RPP25: variants seen among roughly 807,000 people sequenced by gnomAD.
The protein encoded by RPP25 is ribonuclease P protein subunit p25.
Under a neutral mutation model 4.4 loss-of-function variants are expected in RPP25, and 2 were observed. That is an observed-to-expected ratio of 0.45 (90% CI 0.19 to 1.43). RPP25 has a LOEUF of 1.43. Among genes scored for constraint, RPP25 ranks in the 40% most tolerant of loss-of-function variants. The pLI, the probability that RPP25 is intolerant of heterozygous loss-of-function variation, is 0.26. For synonymous variants in RPP25, 144 were observed against 136.2 expected (o/e 1.06, Z -0.40); for missense variants, 319 against 293.8 (o/e 1.09, Z -0.63).
chr15:74,956,041 G>A lies in RPP25; in HGVS notation c.543C>T (p.Gly181=). ...RSLGEPAAGE[G]SAKRSQPEPG... is the part of the protein sequence containing the mutation. ...GCTCGGGTTGCGATCGCTTCGCGGA[G>A]CCTTCTCCAGCTGCGGGTTCCCCTA... Residue 181 remains glycine, a synonymous_variant, in exon 1 of 1, where the codon GGC becomes GGT. Coordinates refer to ENST00000322177, the MANE Select transcript of RPP25 (RefSeq NM_017793.3). 2 of 1,611,620 alleles carry A rather than the reference G, an allele frequency of 1.2e-6. No individual in the cohort carries two copies. The highest frequency in any genetic ancestry group is 1.7e-6 in the Non-Finnish European group (2 of 1,179,474).
At position 74,956,129 on chromosome 15, in the gene RPP25, T is replaced by C. The variant is rs779239591; in HGVS notation, c.455A>G (p.Gln152Arg). 8 of 1,605,770 alleles carry C rather than the reference T, an allele frequency of 5.0e-6. No individual in the cohort carries two copies. The highest frequency in any genetic ancestry group is 6.8e-6 in the Non-Finnish European group (8 of 1,177,266). Residue 152 changes from glutamine (Q) to arginine (R), a missense_variant, in exon 1 of 1, where the codon CAG becomes CGG. Gln to Arg is a conservative substitution (Grantham distance 43). Coordinates refer to ENST00000322177, the MANE Select transcript of RPP25 (RefSeq NM_017793.3). ...GGGACCAGGATGGGGATTCGGGGGC[T>C]GGTAGCCGGGCTGTCGCGGATCCAG... ...DALDPRQPGYQPPNPHPGPSS... is the reference protein window; with the variant it reads ...DALDPRQPGYRPPNPHPGPSS...
In RPP25 at chr15:74,956,681, A is replaced by G. The variant is rs1414449519; in HGVS notation, c.-98T>C. On this transcript the variant is annotated 5_prime_UTR_variant, in exon 1 of 1. Transcript: ENST00000322177. ...GCGCCTTGCAAGGGCCAGCAGGGGT[A>G]AGGGCGCCGGAGCAGCGCAGACGCC... 4 of 1,318,828 alleles carry G rather than the reference A, an allele frequency of 3.0e-6. No individual in the cohort carries two copies. Among genetic ancestry groups the G allele is most frequent in the Non-Finnish European group, 3.9e-6 (4 of 1,030,800 alleles). The allele number at this position is 1,318,828 out of a possible 1,614,324, so 81.7% of individuals were successfully genotyped here.
At position 74,955,842 on chromosome 15, in the gene RPP25, A is replaced by C; in HGVS notation, c.*142T>G. The C allele has an allele frequency of 8.3e-7, 1 of 1,211,398 alleles. No individual in the cohort carries two copies. Among genetic ancestry groups the C allele is most frequent in the Non-Finnish European group, 1.1e-6 (1 of 888,268 alleles). The allele number at this position is 1,211,398 out of a possible 1,614,324, so 75.0% of individuals were successfully genotyped here. A position where few individuals can be genotyped will look rare whatever the true frequency, so the allele number is the denominator to read the frequency against. On this transcript the variant is annotated 3_prime_UTR_variant, in exon 1 of 1. Transcript: ENST00000322177. Reference sequence around the variant, plus strand: ...CCTGGGGCCCCTCTCTTGTCGCCTTAAGGTCCATGCTACCTGTCTTGAGGA... The same window carrying C: ...CCTGGGGCCCCTCTCTTGTCGCCTTCAGGTCCATGCTACCTGTCTTGAGGA...
At position 74,955,649 on chromosome 15, in the gene RPP25, T is replaced by G; in HGVS notation, c.*335A>C. 1 of 356,798 alleles carries G rather than the reference T, an allele frequency of 2.8e-6. No individual in the cohort carries two copies. Among genetic ancestry groups the G allele is most frequent in the Non-Finnish European group, 5.2e-6 (1 of 194,044 alleles). The allele number at this position is 356,798 out of a possible 1,614,324, so 22.1% of individuals were successfully genotyped here. A position where few individuals can be genotyped will look rare whatever the true frequency, so the allele number is the denominator to read the frequency against. ...TGCTCTTCGTGAATGCTGGGTGGCT[T>G]TAACCCTTGGGGGTCCCAAACAAGT... is the stretch of plus-strand genomic sequence containing the variant. On this transcript the variant is annotated 3_prime_UTR_variant, in exon 1 of 1. Coordinates refer to ENST00000322177, the MANE Select transcript of RPP25 (RefSeq NM_017793.3).
In RPP25 at chr15:74,956,285, C is replaced by T. The variant is rs536155288; in HGVS notation, c.299G>A (p.Arg100Gln). 1.3e-6 allele frequency: 2 copies of T among 1,597,428 alleles called. 1 individual carries two copies. The highest frequency in any genetic ancestry group is 2.2e-5 in the South Asian group (2 of 89,722). ...GLHQVTRLRYRSVREVWQSLP... is the reference protein window; with the variant it reads ...GLHQVTRLRYQSVREVWQSLP... ...GCTCTGCCACACCTCGCGTACGCTC[C>T]GGTAGCGCAGCCGCGTGACCTGGTG... The change falls in exon 1 of 1, where the codon CGG (arginine) becomes CAG (glutamine). Residue 100 changes from arginine (R) to glutamine (Q), a missense_variant. Arg to Gln is a conservative substitution (Grantham distance 43). Coordinates refer to ENST00000322177, the MANE Select transcript of RPP25 (RefSeq NM_017793.3).
In RPP25 at chr15:74,956,042, C is replaced by T. The variant is rs746864831; in HGVS notation, c.542G>A (p.Gly181Asp). The change falls in exon 1 of 1, where the codon GGC becomes GAC. Residue 181 changes from glycine to aspartate, a missense_variant. By Grantham distance (94) the Gly-to-Asp change is moderately conservative. Coordinates refer to ENST00000322177, the MANE Select transcript of RPP25 (RefSeq NM_017793.3). ...RSLGEPAAGE[G>D]SAKRSQPEPG... ...CTCGGGTTGCGATCGCTTCGCGGAG[C>T]CTTCTCCAGCTGCGGGTTCCCCTAG... is the stretch of plus-strand genomic sequence containing the variant. 6.2e-7 allele frequency: 1 copy of T among 1,611,492 alleles called. No individual in the cohort carries two copies. Among genetic ancestry groups the T allele is most frequent in the Admixed American group, 1.7e-5 (1 of 59,754 alleles).
At position 74,956,673 on chromosome 15, in the gene RPP25, G is replaced by A. The variant is rs979149580; in HGVS notation, c.-90C>T. ...CGCCGGTCGCGCCTTGCAAGGGCCAGCAGGGGTAAGGGCGCCGGAGCAGCG... is the reference window on the plus strand; with the variant it reads ...CGCCGGTCGCGCCTTGCAAGGGCCAACAGGGGTAAGGGCGCCGGAGCAGCG... On this transcript the variant is annotated 5_prime_UTR_variant, in exon 1 of 1. Coordinates refer to ENST00000322177, the MANE Select transcript of RPP25 (RefSeq NM_017793.3). 2.2e-6 allele frequency: 3 copies of A among 1,347,640 alleles called. No individual in the cohort carries two copies. In the South Asian group the frequency reaches 5.3e-5, roughly 24 times the overall value. The allele number at this position is 1,347,640 out of a possible 1,614,324, so 83.5% of individuals were successfully genotyped here. A position where few individuals can be genotyped will look rare whatever the true frequency, so the allele number is the denominator to read the frequency against.
At position 74,956,426 on chromosome 15, in the gene RPP25, G is replaced by A. The variant is rs1451941496; in HGVS notation, c.158C>T (p.Ala53Val). ...GSKIRNLMAF[A>V]TASMAQPATR... is the part of the protein sequence containing the mutation. ...GGCTGGCTGCGCCATGCTGGCGGTG[G>A]CGAAGGCCATCAGGTTCCGGATCTT... Residue 53 changes from alanine to valine, a missense_variant, in exon 1 of 1, where the codon GCC becomes GTC. By Grantham distance (64) the Ala-to-Val change is moderately conservative (BLOSUM62 0). Coordinates refer to ENST00000322177, the MANE Select transcript of RPP25 (RefSeq NM_017793.3). 6.3e-7 allele frequency: 1 copy of A among 1,596,586 alleles called. No individual in the cohort carries two copies. The highest frequency in any genetic ancestry group is 8.5e-7 in the Non-Finnish European group (1 of 1,174,630).
rs1310156859 is a variant in RPP25 at position 74,956,003 on chromosome 15, T to A, written c.581A>T (p.Asp194Val). The A allele has an allele frequency of 6.2e-7, 1 of 1,612,780 alleles. No homozygotes were observed. Among genetic ancestry groups the A allele is most frequent in the South Asian group, 1.1e-5 (1 of 90,974 alleles). Residue 194 changes from aspartate (D) to valine (V), a missense_variant, in exon 1 of 1, where the codon GAC becomes GTC. Physicochemically the swap from Asp to Val is radical, Grantham distance 152 (BLOSUM62 -3). Transcript: ENST00000322177. ...GGAGTTTCAGGCCGTCTGATCCTCG[T>A]CCGCAACCCCTGGCTCGGGTTGCGA... Reference protein sequence around the residue: ...KRSQPEPGVADEDQTA With the variant: ...KRSQPEPGVAVEDQTA
chr15:74,956,421 C>T lies in RPP25; in HGVS notation c.163G>A (p.Ala55Thr). 6.3e-7 allele frequency: 1 copy of T among 1,598,118 alleles called. No homozygotes were observed. The highest frequency in any genetic ancestry group is 1.3e-5 in the African/African-American group (1 of 74,764). ...CGCGTGGCTGGCTGCGCCATGCTGG[C>T]GGTGGCGAAGGCCATCAGGTTCCGG... ...KIRNLMAFATASMAQPATRAI... is the reference protein window; with the variant it reads ...KIRNLMAFATTSMAQPATRAI... Residue 55 changes from alanine (A) to threonine (T), a missense_variant, in exon 1 of 1, where the codon GCC (alanine) becomes ACC (threonine). Physicochemically the swap from Ala to Thr is moderately conservative, Grantham distance 58. Transcript: ENST00000322177.
chr15:74,956,628 CAGCCCCGGG>C lies in RPP25; in HGVS notation c.-54_-46del, dbSNP rs543881461. On this transcript the variant is annotated 5_prime_UTR_variant, in exon 1 of 1. An upstream open reading frame in the 5' UTR loses its in-frame stop. Transcript: ENST00000322177. Reference sequence around the variant, plus strand: ...CGCCGGCTTTGCCATGGGGCGGCCTCAGCCCCGGGGCTGCATGGCCGCCGGTCGCGCCTT... The same window carrying C: ...CGCCGGCTTTGCCATGGGGCGGCCTCGCTGCATGGCCGCCGGTCGCGCCTT... 8.5e-6 allele frequency: 12 copies of C among 1,411,358 alleles called. No individual in the cohort carries two copies. In the African/African-American group the frequency reaches 1.8e-4, roughly 21 times the overall value. 87.4% of individuals were successfully genotyped at this position (1,411,358 alleles called of 1,614,324 possible).
Position 74,955,764 on chromosome 15 carries a change from G to A in RPP25, c.*220C>T. 1.7e-6 allele frequency: 1 copy of A among 595,494 alleles called. No homozygotes were observed. Among genetic ancestry groups the A allele is most frequent in the African/African-American group, 1.9e-5 (1 of 53,064 alleles). 36.9% of individuals were successfully genotyped at this position (595,494 alleles called of 1,614,324 possible). A position where few individuals can be genotyped will look rare whatever the true frequency, so the allele number is the denominator to read the frequency against. ...TCTTCACGCAACACGGGCATAAGCA[G>A]CAATTATCGCACGAAGTTTCCCTAG... is the stretch of plus-strand genomic sequence containing the variant. On this transcript the variant is annotated 3_prime_UTR_variant, in exon 1 of 1. Coordinates refer to ENST00000322177, the MANE Select transcript of RPP25 (RefSeq NM_017793.3).
rs2065472048 is a variant in RPP25 at position 74,956,545 on chromosome 15, T to G, written c.39A>C (p.Pro13=). 1 of 1,513,470 alleles carries G rather than the reference T, an allele frequency of 6.6e-7. No individual in the cohort carries two copies. The highest frequency in any genetic ancestry group is 8.8e-7 in the Non-Finnish European group (1 of 1,138,384). The allele number at this position is 1,513,470 out of a possible 1,614,324, so 93.8% of individuals were successfully genotyped here. ...CGCCTCCCTCGGCCCCGCACCCCGC[T>G]GGCGCCTCTTCGGAGCGCACCTTAC... is the stretch of plus-strand genomic sequence containing the variant. ...NFRKVRSEEA[P]AGCGAEGGGP... The change falls in exon 1 of 1, where the codon CCA becomes CCC. Residue 13 remains proline, a synonymous_variant. Transcript: ENST00000322177.
Position 74,955,998 on chromosome 15 carries a change from C to G in RPP25, c.586G>C (p.Asp196His). ...SQPEPGVADE[D>H]QTA ...AGTCCGGAGTTTCAGGCCGTCTGAT[C>G]CTCGTCCGCAACCCCTGGCTCGGGT... is the stretch of plus-strand genomic sequence containing the variant. The change falls in exon 1 of 1, where the codon GAT (aspartate) becomes CAT (histidine). Residue 196 changes from aspartate to histidine, a missense_variant. By Grantham distance (81) the Asp-to-His change is moderately conservative. Coordinates refer to ENST00000322177, the MANE Select transcript of RPP25 (RefSeq NM_017793.3). 1 of 1,612,746 alleles carries G rather than the reference C, an allele frequency of 6.2e-7. No homozygotes were observed. The highest frequency in any genetic ancestry group is 8.5e-7 in the Non-Finnish European group (1 of 1,179,874).
rs1440959405 is a variant in RPP25, at chr15:74,954,888, C to G, written c.*1096G>C. 6.6e-6 allele frequency: 1 copy of G among 152,354 alleles called. No individual in the cohort carries two copies. The highest frequency in any genetic ancestry group is 1.5e-5 in the Non-Finnish European group (1 of 68,138). The allele number at this position is 152,354 out of a possible 1,614,324, so 9.4% of individuals were successfully genotyped here. On this transcript the variant is annotated 3_prime_UTR_variant, in exon 1 of 1. Coordinates refer to ENST00000322177, the MANE Select transcript of RPP25 (RefSeq NM_017793.3). The stretch of plus-strand genomic sequence containing the variant: ...TTGTGCCAGCCTTCTGGGTAAGGTT[C>G]AGTTTATTGTCTGGAGGCTGCAGAT...
At position 74,956,521 on chromosome 15, in the gene RPP25, G is replaced by T; in HGVS notation, c.63C>A (p.Gly21=). The T allele has an allele frequency of 6.5e-7, 1 of 1,528,092 alleles. No homozygotes were observed. The allele number at this position is 1,528,092 out of a possible 1,614,324, so 94.7% of individuals were successfully genotyped here. ...CTGCGAAGGGGCCGGAGCCCGGGCC[G>T]CCTCCCTCGGCCCCGCACCCCGCTG... ...EAPAGCGAEG[G]GPGSGPFADL... Residue 21 remains glycine, a synonymous_variant, in exon 1 of 1, where the codon GGC becomes GGA. Transcript: ENST00000322177.
At position 74,956,187 on chromosome 15, in the gene RPP25, G is replaced by T. The variant is rs1413227578; in HGVS notation, c.397C>A (p.Pro133Thr). The T allele has an allele frequency of 6.3e-7, 1 of 1,580,012 alleles. No individual in the cohort carries two copies. The highest frequency in any genetic ancestry group is 8.6e-7 in the Non-Finnish European group (1 of 1,163,850). The stretch of plus-strand genomic sequence containing the variant: ...TTGGAAAGTAGGATGGCGAGGCCGG[G>T]CACGTTCTTAAGTACGCTGAGACTA... The part of the protein sequence containing the change: ...AASLSVLKNV[P>T]GLAILLSKDA... The change falls in exon 1 of 1, where the codon CCC becomes ACC. Residue 133 changes from proline to threonine, a missense_variant. Transcript: ENST00000322177.
In RPP25 at chr15:74,955,868, G is replaced by C. The variant is rs2065466213; in HGVS notation, c.*116C>G. On this transcript the variant is annotated 3_prime_UTR_variant, in exon 1 of 1. Coordinates refer to ENST00000322177, the MANE Select transcript of RPP25 (RefSeq NM_017793.3). ...AGGTCCATGCTACCTGTCTTGAGGA[G>C]CTGTGTCCAGGTTGTGGGCTCCGGA... is the stretch of plus-strand genomic sequence containing the variant. The C allele has an allele frequency of 1.4e-6, 2 of 1,399,040 alleles. No homozygotes were observed. Among genetic ancestry groups the C allele is most frequent in the Non-Finnish European group, 1.9e-6 (2 of 1,037,380 alleles). 86.7% of individuals were successfully genotyped at this position (1,399,040 alleles called of 1,614,324 possible).
rs376852498 is a variant in RPP25, at chr15:74,955,978, G to A, written c.*6C>T. Reference sequence around the variant, plus strand: ...TGCCGGACTAGGTGGCCCACAGTCCGGAGTTTCAGGCCGTCTGATCCTCGT... The same window carrying A: ...TGCCGGACTAGGTGGCCCACAGTCCAGAGTTTCAGGCCGTCTGATCCTCGT... On this transcript the variant is annotated 3_prime_UTR_variant, in exon 1 of 1. Transcript: ENST00000322177. 3.0e-5 allele frequency: 49 copies of A among 1,612,464 alleles called. No homozygotes were observed. The East Asian group carries it at 4.9e-4, about 16-fold the overall frequency.
Sources: gnomAD v4.1 joint callset for allele counts on GRCh38, gnomAD v4.1.1 for gene constraint, MANE v1.5 for transcripts, NCBI Gene and HGNC (gene_info 2026-07-23, HGNC 2026-07-21) for gene names.